LPP: variants seen among roughly 807,000 people sequenced by gnomAD.
LPP encodes lipoma-preferred partner.
Under a neutral mutation model 60.4 loss-of-function variants are expected in LPP, and 38 were observed. The observed-to-expected ratio is 0.63, with a 90% CI of 0.49 to 0.83. LPP has a LOEUF of 0.83. LPP is among the 40% of genes least tolerant of loss of function. The probability of loss-of-function intolerance (pLI) is 0.00; values close to 1 mark genes in which losing one functional copy is unlikely to be tolerated. For missense variants in LPP, 902 were observed against 783.6 expected, an observed-to-expected ratio of 1.15 and a Z score of -1.80; for synonymous variants, 328 against 290.8, an observed-to-expected ratio of 1.13 and a Z score of -1.30.
intron 2 of LPP, among the ~76,000 whole-genome samples, chr3:188,332,447 T>A (rs948715048): frequency 3.9e-5 from 6 of 152,238 alleles, no homozygotes; most frequent in African/African-American, 1.2e-4. Flanking sequence ...AAACACTTAC[T>A]AATCCCATCT....
intron 7 of LPP, among the ~76,000 whole-genome samples, chr3:188,641,050 G>A (rs1184038556): frequency 6.6e-6 from 1 of 152,072 alleles, no homozygotes; most frequent in African/African-American, 2.4e-5. Flanking sequence ...TCACAAGGGA[G>A]GAGGGTACAT....
At chr3:188,389,285 G>A (rs958386806) in intron 3 of LPP, among the ~76,000 whole-genome samples, 10 of 152,150 alleles carry the variant, frequency 6.6e-5, no homozygotes, top group African/African-American at 2.4e-4. Context: ...CTACACCCCA[G>A]TACAGACTAA....
intron 5 of LPP, among the ~76,000 whole-genome samples, chr3:188,500,981 A>G (rs1283857044): frequency 6.6e-6 from 1 of 151,658 alleles, no homozygotes; most frequent in Non-Finnish European, 1.5e-5. Flanking sequence ...AATTTTGTTG[A>G]TCTTTTTTAA....
chr3:188,782,635 C>T (rs1740174997), intron 9 of LPP, among the ~76,000 whole-genome samples: 1 of 151,966 alleles, frequency 6.6e-6, no homozygotes, highest in Non-Finnish European at 1.5e-5. Context: ...ATCATGAATG[C>T]AGTTCCTAGC....
intron 3 of LPP, among the ~76,000 whole-genome samples, chr3:188,373,299 T>A (rs1206665534): frequency 1.3e-5 from 2 of 152,238 alleles, no homozygotes; most frequent in Non-Finnish European, 2.9e-5. Flanking sequence ...TCCACAATGG[T>A]TGAACTAGTT....
At chr3:188,275,159 T>G (rs1001032710) in intron 2 of LPP, among the ~76,000 whole-genome samples, 3 of 152,240 alleles carry the variant, frequency 2.0e-5, no homozygotes, top group Admixed American at 6.5e-5. Flanking sequence ...GAGCCCATCC[T>G]GACTTTGGGT....
At chr3:188,636,888 C>T (rs1039966339) in intron 7 of LPP, among the ~76,000 whole-genome samples, 3 of 145,802 alleles carry the variant, frequency 2.1e-5, no homozygotes, top group African/African-American at 5.3e-5. Context: ...AAAGGACATC[C>T]ACACCAAAAA....
At chr3:188,740,090 C>T (rs1723888915) in intron 8 of LPP, among the ~76,000 whole-genome samples, 1 of 152,040 alleles carries the variant, frequency 6.6e-6, no homozygotes, top group South Asian at 2.1e-4. Flanking sequence ...CAGACTGTAT[C>T]CCCTTATGTA....
At chr3:188,840,687 A>G (rs1759730232) in intron 9 of LPP, among the ~76,000 whole-genome samples, 1 of 152,062 alleles carries the variant, frequency 6.6e-6, no homozygotes, top group Non-Finnish European at 1.5e-5. Flanking sequence ...TTTTATATAG[A>G]TGGGATCTCA....
rs1815041627 is a variant in LPP at position 188,510,218 on chromosome 3, T to G, written c.307-14447T>G. On this transcript the variant is annotated intron_variant, in intron 5 of 11. Transcript: ENST00000617246. ...TGAAGCTTGAGACGACATTATTCCT[T>G]GCCTCCTTTAGACTTTCTTCAGCCT... Among the ~76,000 whole-genome samples, 7 of 152,348 alleles carry G rather than the reference T, an allele frequency of 4.6e-5. No homozygotes were observed. The South Asian group carries it at 1.4e-3, about 32-fold the overall frequency.
intron 6 of LPP, among the ~76,000 whole-genome samples, chr3:188,574,922 CT>C (rs1374508473): frequency 2.6e-5 from 4 of 152,016 alleles, no homozygotes; most frequent in Non-Finnish European, 5.9e-5. Flanking sequence ...AAATTTCCCC[CT>C]TTTTTTCATC....
chr3:188,329,381 T>C (rs1475387470), intron 2 of LPP, among the ~76,000 whole-genome samples: 2 of 152,200 alleles, frequency 1.3e-5, no homozygotes, highest in Non-Finnish European at 2.9e-5. Context: ...ATATATATAG[T>C]TTGTATATCT....
chr3:188,658,543 AC>A (rs1853882704), intron 7 of LPP, among the ~76,000 whole-genome samples: 1 of 152,018 alleles, frequency 6.6e-6, no homozygotes, highest in African/African-American at 2.4e-5. Flanking sequence ...CACGAAAGAC[AC>A]TCTTGGCTGC....
rs114317853 is a variant in LPP, at chr3:188,488,274, C to A, written c.306+3570C>A. On this transcript the variant is annotated intron_variant, in intron 5 of 11. Transcript: ENST00000617246. ...TGATGCCGGAGTTTTGCTTGGCTGT[C>A]TGAATTTTTGATATATGCTATAAGC... Among the ~76,000 whole-genome samples the A allele has an allele frequency of 6.9e-3, 1,044 of 152,128 alleles. 8 individuals are homozygous for A. Among genetic ancestry groups the A allele is most frequent in the Middle Eastern group, 0.034 (10 of 294 alleles).
intron 6 of LPP, among the ~76,000 whole-genome samples, chr3:188,535,635 G>T (rs368232944): frequency 6.6e-6 from 1 of 152,030 alleles, no homozygotes. Context: ...TTTTATAAGA[G>T]CAACCTAATG....
Position 188,572,327 on chromosome 3 carries a change from C to T in LPP, c.430-36834C>T, listed in dbSNP as rs1052255110. On this transcript the variant is annotated intron_variant, in intron 6 of 11. Transcript: ENST00000617246. This position sits in a 1 kb window ranked among gnomAD's most constrained non-coding sequence, Gnocchi z 4.1. ...TTTAAATGGTAGTAATTTTTGTTTC[C>T]GGTTTTGTAATAGCTAATGGTGTAT... 3.3e-5 allele frequency among the ~76,000 whole-genome samples: 5 copies of T among 151,886 alleles called. No individual in the cohort carries two copies. Among genetic ancestry groups the T allele is most frequent in the Admixed American group, 2.6e-4 (4 of 15,252 alleles).
chr3:188,671,279 T>C (rs1856902313), intron 7 of LPP, among the ~76,000 whole-genome samples: 1 of 152,236 alleles, frequency 6.6e-6, no homozygotes, highest in Non-Finnish European at 1.5e-5. Flanking sequence ...TTAATAAATG[T>C]GTAAGGAATA....
At chr3:188,851,901 G>A (rs1762762747) in intron 9 of LPP, among the ~76,000 whole-genome samples, 1 of 152,200 alleles carries the variant, frequency 6.6e-6, no homozygotes, top group Admixed American at 6.5e-5. Flanking sequence ...GGTGGCTCAT[G>A]CCTTTAATCC....
At chr3:188,741,220 G>A (rs780173034) in intron 8 of LPP, among the ~76,000 whole-genome samples, 19 of 150,976 alleles carry the variant, frequency 1.3e-4, no homozygotes, top group Non-Finnish European at 2.5e-4. Context: ...TGGTCCCACC[G>A]AGGTTCAAAG....
Sources: gnomAD v4.1 joint callset for allele counts (sites outside exome capture counted in the v4.1 genomes callset) on GRCh38, gnomAD v4.1.1 for gene constraint, Gnocchi (gnomAD v3.1) non-coding constraint, MANE v1.5 for transcripts, NCBI Gene and HGNC (gene_info 2026-07-23, HGNC 2026-07-21) for gene names.